Variants in TMEM108 observed in about 807,000 individuals in gnomAD.
TMEM108 encodes cancer/testis antigen 124.
TMEM108 carries 12 observed loss-of-function variants against 35.1 expected under a neutral mutation model. That is an observed-to-expected ratio of 0.34 (90% CI 0.22 to 0.55). TMEM108 has a LOEUF of 0.55. TMEM108 is among the 20% of genes least tolerant of loss of function. The pLI, the probability that TMEM108 is intolerant of heterozygous loss-of-function variation, is 0.89. For missense variants in TMEM108, 680 were observed against 753.3 expected (o/e 0.90, Z 1.14); for synonymous variants, 287 against 308.6 (o/e 0.93, Z 0.73).
rs538298122 is a variant in TMEM108 at position 133,393,421 on chromosome 3, C to G, written c.1606-2443C>G. Among the ~76,000 whole-genome samples the G allele has an allele frequency of 3.9e-5, 6 of 152,334 alleles. No homozygotes were observed. In the South Asian group the frequency reaches 1.0e-3, roughly 26 times the overall value. Reference sequence around the variant, plus strand: ...AGCATTGTTTGTTGTGCTCACTGCTCTATTCCCAGCACCTGGAGCAGTGCC... The same window carrying G: ...AGCATTGTTTGTTGTGCTCACTGCTGTATTCCCAGCACCTGGAGCAGTGCC... On this transcript the variant is annotated intron_variant, in intron 5 of 5. Coordinates refer to ENST00000321871, the MANE Select transcript of TMEM108 (RefSeq NM_023943.4).
At chr3:133,370,871 A>AGTGTGTGTGTGTGTGT (rs71624013) in intron 3 of TMEM108, among the ~76,000 whole-genome samples, 1,274 of 125,492 alleles carry the variant, frequency 0.01, 33 homozygotes, top group Admixed American at 0.021. Context: ...CCCAGCCCAT[A>AGTGTGTGTGTGTGTGT]GTGTGTGTGT....
intron 2 of TMEM108, among the ~76,000 whole-genome samples, chr3:133,095,945 T>C (rs976268370): frequency 1.2e-4 from 18 of 152,224 alleles, no homozygotes; most frequent in Admixed American, 3.9e-4. Flanking sequence ...GCCATCTCTT[T>C]GTTGCCTCGC....
At chr3:133,342,638 G>A (rs2071700294) in intron 3 of TMEM108, among the ~76,000 whole-genome samples, 1 of 146,726 alleles carries the variant, frequency 6.8e-6, no homozygotes, top group Admixed American at 6.9e-5. Context: ...AGGACATTAT[G>A]TAAAGTGAAG....
Position 133,214,853 on chromosome 3 carries a change from G to T in TMEM108, c.-46-14413G>T, listed in dbSNP as rs1945883403. Among the ~76,000 whole-genome samples the T allele has an allele frequency of 2.6e-5, 4 of 152,072 alleles. No homozygotes were observed. In the South Asian group the frequency reaches 8.3e-4, roughly 32 times the overall value. On this transcript the variant is annotated intron_variant, in intron 2 of 5. Transcript: ENST00000321871. ...GAACCCTATCGTGAACTGTGTGTGT[G>T]AGGGATCTAGGTTGCATGTTCCTTA...
chr3:133,378,660 G>GACATGT, intron 3 of TMEM108: 1 of 425,098 alleles, frequency 2.4e-6, no homozygotes, highest in Non-Finnish European at 3.1e-6. Context: ...ATGCTTGCAT[G>GACATGT]AGGTACCATT....
chr3:133,256,453 TATA>T (rs1946547364), intron 3 of TMEM108, among the ~76,000 whole-genome samples: 2 of 152,198 alleles, frequency 1.3e-5, no homozygotes. Context: ...GTATGAAACA[TATA>T]ATAATGTCTA....
At chr3:133,090,477 C>G (rs1326638821) in intron 2 of TMEM108, among the ~76,000 whole-genome samples, 4 of 152,214 alleles carry the variant, frequency 2.6e-5, no homozygotes, top group Non-Finnish European at 5.9e-5. Flanking sequence ...TTTCCCATCT[C>G]AGCTGTAGGC....
At chr3:133,223,469 GT>G (rs1946022026) in intron 2 of TMEM108, among the ~76,000 whole-genome samples, 1 of 152,122 alleles carries the variant, frequency 6.6e-6, no homozygotes, top group South Asian at 2.1e-4. Context: ...AGGGTGGGTT[GT>G]TTTTCCTTTA....
At chr3:133,251,473 T>C (rs1946469928) in intron 3 of TMEM108, among the ~76,000 whole-genome samples, 1 of 152,166 alleles carries the variant, frequency 6.6e-6, no homozygotes, top group Non-Finnish European at 1.5e-5. Flanking sequence ...CAAAGATCAC[T>C]ATGACTTAAC....
chr3:133,378,056 A>G (rs185873203), intron 3 of TMEM108, among the ~76,000 whole-genome samples: 21 of 152,320 alleles, frequency 1.4e-4, no homozygotes, highest in Non-Finnish European at 2.5e-4. Context: ...GTGGAAGACA[A>G]TTTGTCCCTG....
chr3:133,053,598 A>G (rs2107676598), intron 2 of TMEM108, among the ~76,000 whole-genome samples: 1 of 152,338 alleles, frequency 6.6e-6, no homozygotes, highest in Admixed American at 6.5e-5. Flanking sequence ...GAAAATAAGG[A>G]AAACAGAATT....
chr3:133,052,630 T>C (rs1335602006), intron 2 of TMEM108, among the ~76,000 whole-genome samples: 1 of 152,016 alleles, frequency 6.6e-6, no homozygotes, highest in Non-Finnish European at 1.5e-5. Flanking sequence ...TTTCTCACCA[T>C]TTAATATGAT....
intron 3 of TMEM108, among the ~76,000 whole-genome samples, chr3:133,327,054 T>C (rs2071341521): frequency 6.6e-6 from 1 of 151,050 alleles, no homozygotes; most frequent in South Asian, 2.1e-4. Flanking sequence ...CATAGGAACC[T>C]AGGTGGACTC....
intron 2 of TMEM108, among the ~76,000 whole-genome samples, chr3:133,129,313 C>G (rs1944457972): frequency 6.6e-6 from 1 of 151,608 alleles, no homozygotes; most frequent in African/African-American, 2.4e-5. Flanking sequence ...CCACTGCACT[C>G]CAGCCTGGGT....
chr3:133,086,830 A>G (rs567727744), intron 2 of TMEM108, among the ~76,000 whole-genome samples: 1 of 152,304 alleles, frequency 6.6e-6, no homozygotes, highest in South Asian at 2.1e-4. Context: ...CATTACATGG[A>G]TGTGTGCGGT....
chr3:133,277,329 C>T (rs191452886), intron 3 of TMEM108, among the ~76,000 whole-genome samples: 9 of 152,188 alleles, frequency 5.9e-5, no homozygotes, highest in Admixed American at 3.9e-4. Flanking sequence ...AAAAAAAATA[C>T]AGTCATGCAT....
intron 2 of TMEM108, among the ~76,000 whole-genome samples, chr3:133,168,705 C>A (rs567729458): frequency 6.6e-6 from 1 of 152,192 alleles, no homozygotes; most frequent in Admixed American, 6.5e-5. Flanking sequence ...GAGCCAGCAG[C>A]GGCAACCCAC....
intron 2 of TMEM108, among the ~76,000 whole-genome samples, chr3:133,197,504 C>T (rs1437527335): frequency 6.6e-6 from 1 of 151,504 alleles, no homozygotes; most frequent in Non-Finnish European, 1.5e-5. Flanking sequence ...ATTGTCCACC[C>T]AAAGTATGGA....
rs1254518055 is a variant in TMEM108, at chr3:133,396,147, GT to G, written c.*164del. ...TGTCAACATCTTTTTTACAAGTGTGGTTTAAAAAAAAAAAAAACTTTACAGA... is the reference window on the plus strand; with the variant it reads ...TGTCAACATCTTTTTTACAAGTGTGGTTAAAAAAAAAAAAAACTTTACAGA... On this transcript the variant is annotated 3_prime_UTR_variant, in exon 6 of 6. Coordinates refer to ENST00000321871, the MANE Select transcript of TMEM108 (RefSeq NM_023943.4). 2.7e-5 allele frequency: 7 copies of G among 257,486 alleles called. No homozygotes were observed. The highest frequency in any genetic ancestry group is 2.0e-4 in the Admixed American group (1 of 4,970). 16.0% of individuals were successfully genotyped at this position (257,486 alleles called of 1,614,324 possible).
Sources: allele counts gnomAD v4.1 joint callset (sites outside exome capture counted in the v4.1 genomes callset), GRCh38; gene constraint gnomAD v4.1.1; transcripts MANE v1.5; gene names NCBI Gene and HGNC (gene_info 2026-07-23, HGNC 2026-07-21).